Variants in LRIG1 observed in about 807,000 individuals in gnomAD.
The protein encoded by LRIG1 is leucine-rich repeats and immunoglobulin-like domains protein 1.
Under a neutral mutation model 99.2 loss-of-function variants are expected in LRIG1, and 48 were observed. The ratio of observed to expected loss-of-function variants is 0.48; its 90% confidence interval spans 0.38 to 0.62. LRIG1 has a LOEUF of 0.62. Ranked by LOEUF, LRIG1 falls within the 20% of genes least tolerant of loss-of-function variation. The pLI, the probability that LRIG1 is intolerant of heterozygous loss-of-function variation, is 0.00. For missense variants in LRIG1, 1,646 were observed against 1,434.4 expected, an observed-to-expected ratio of 1.15 and a Z score of -2.38; for synonymous variants, 772 against 596.1, an observed-to-expected ratio of 1.29 and a Z score of -4.30.
Position 66,407,338 on chromosome 3 carries a change from G to C in LRIG1, c.1079+10C>G, listed in dbSNP as rs754600937. 1 of 1,614,048 alleles carries C rather than the reference G, an allele frequency of 6.2e-7. No individual in the cohort carries two copies. The highest frequency in any genetic ancestry group is 8.5e-7 in the Non-Finnish European group (1 of 1,180,028). ...GGACCCCTTTATCCTGTCAGTAGTGGGAGACGTACAAGACTCGCAGGCTCC... is the reference window on the plus strand; with the variant it reads ...GGACCCCTTTATCCTGTCAGTAGTGCGAGACGTACAAGACTCGCAGGCTCC... On this transcript the variant is annotated intron_variant, in intron 8 of 18. Coordinates refer to ENST00000273261, the MANE Select transcript of LRIG1 (RefSeq NM_015541.3).
intron 12 of LRIG1, among the ~76,000 whole-genome samples, chr3:66,392,318 G>C (rs1701649671): frequency 6.6e-6 from 1 of 152,180 alleles, no homozygotes; most frequent in South Asian, 2.1e-4. Context: ...CCCAAGAGTG[G>C]AACTGCCAGG....
intron 1 of LRIG1, among the ~76,000 whole-genome samples, chr3:66,473,948 G>A (rs1371716050): frequency 1.3e-5 from 2 of 152,132 alleles, no homozygotes; most frequent in African/African-American, 2.4e-5. Flanking sequence ...GTACTAAGAC[G>A]TCGTGAAACA....
intron 12 of LRIG1, among the ~76,000 whole-genome samples, chr3:66,392,097 A>G (rs2107962120): frequency 6.6e-6 from 1 of 152,288 alleles, no homozygotes; most frequent in Non-Finnish European, 1.5e-5. Flanking sequence ...TTAGCATGAC[A>G]TTGTCAAAGT....
At chr3:66,388,531 A>T (rs945033659) in intron 12 of LRIG1, among the ~76,000 whole-genome samples, 13 of 152,228 alleles carry the variant, frequency 8.5e-5, no homozygotes, top group African/African-American at 3.1e-4. Flanking sequence ...AGTAGAGTAA[A>T]TTCAAAGATC....
At chr3:66,471,747 T>C (rs748803996) in intron 1 of LRIG1, among the ~76,000 whole-genome samples, 29 of 152,128 alleles carry the variant, frequency 1.9e-4, no homozygotes, top group South Asian at 4.1e-4. Context: ...ACAGGAAATA[T>C]GGGATGGGTA....
intron 1 of LRIG1, among the ~76,000 whole-genome samples, chr3:66,477,432 T>C (rs535865724): frequency 6.6e-6 from 1 of 152,308 alleles, no homozygotes; most frequent in South Asian, 2.1e-4. Flanking sequence ...TGATCCTAGT[T>C]TGCTGGTAAA....
intron 1 of LRIG1, among the ~76,000 whole-genome samples, chr3:66,470,664 A>T (rs545189422): frequency 1.3e-5 from 2 of 152,308 alleles, no homozygotes; most frequent in African/African-American, 2.4e-5. Context: ...GGGCCATTAA[A>T]GTTGATTTCC....
At chr3:66,422,457 G>C (rs1575678576) in intron 3 of LRIG1, among the ~76,000 whole-genome samples, 1 of 152,112 alleles carries the variant, frequency 6.6e-6, no homozygotes, top group African/African-American at 2.4e-5. Context: ...CTAGGGCAGG[G>C]GCAAAATGCT....
At chr3:66,425,398 T>A (rs1347963121) in intron 3 of LRIG1, among the ~76,000 whole-genome samples, 4 of 152,254 alleles carry the variant, frequency 2.6e-5, no homozygotes, top group Non-Finnish European at 5.9e-5. Flanking sequence ...GGACTTCATG[T>A]GACAGAATCT....
chr3:66,496,721 A>G (rs1223400577), intron 1 of LRIG1, among the ~76,000 whole-genome samples: 1 of 151,952 alleles, frequency 6.6e-6, no homozygotes, highest in Admixed American at 6.5e-5. Context: ...AGGACCATCC[A>G]TACAACAATC....
At chr3:66,499,925 C>G (rs1471516949) in intron 1 of LRIG1, among the ~76,000 whole-genome samples, 2 of 150,306 alleles carry the variant, frequency 1.3e-5, no homozygotes, top group African/African-American at 4.9e-5. Flanking sequence ...ACCCCCAAAT[C>G]TCTACGACCC....
chr3:66,382,229 C>G lies in LRIG1; in HGVS notation c.2617+44G>C, dbSNP rs370811026. On this transcript the variant is annotated intron_variant, in intron 16 of 18. Coordinates refer to ENST00000273261, the MANE Select transcript of LRIG1 (RefSeq NM_015541.3). ...GGAGGCCACCTCCAGCACCCAGAGA[C>G]ACAGTCACAGCAGAGCTCTGCTTCA... The G allele has an allele frequency of 8.1e-6, 13 of 1,608,952 alleles. No individual in the cohort carries two copies. In the African/African-American group the frequency reaches 1.2e-4, roughly 15 times the overall value.
Position 66,394,020 on chromosome 3 carries a change from A to C in LRIG1, c.1468+20T>G. ...CTTGTCCTTCATGAAGGAGAGAAAA[A>C]GTTACAAAGACAGTCTTACCGCACA... On this transcript the variant is annotated intron_variant, in intron 12 of 18. Transcript: ENST00000273261. The C allele has an allele frequency of 6.2e-7, 1 of 1,613,314 alleles. No individual in the cohort carries two copies. Among genetic ancestry groups the C allele is most frequent in the Non-Finnish European group, 8.5e-7 (1 of 1,179,654 alleles).
At chr3:66,448,708 C>A (rs1397208689) in intron 3 of LRIG1, among the ~76,000 whole-genome samples, 3 of 152,216 alleles carry the variant, frequency 2.0e-5, no homozygotes, top group Non-Finnish European at 2.9e-5. Flanking sequence ...GGGCTCCTGT[C>A]ACTCACATGG....
intron 3 of LRIG1, among the ~76,000 whole-genome samples, chr3:66,436,060 C>T (rs1461527880): frequency 1.3e-5 from 2 of 152,198 alleles, no homozygotes; most frequent in African/African-American, 4.8e-5. Context: ...TGTTTAATTA[C>T]TTCCCATCAT....
intron 11 of LRIG1, among the ~76,000 whole-genome samples, chr3:66,394,830 G>T (rs780115197): frequency 6.6e-6 from 1 of 152,130 alleles, no homozygotes; most frequent in African/African-American, 2.4e-5. Context: ...TTTGTGCCTT[G>T]ATCTTTGCAC....
rs566547029 is a variant in LRIG1, at chr3:66,424,425, G to A, written c.366-7159C>T. ...AGGGAAGCCTTCCCACCTCCTGCCT[G>A]AGAGTTGATGCCATGGAAACGTGTC... On this transcript the variant is annotated intron_variant, in intron 3 of 18. Coordinates refer to ENST00000273261, the MANE Select transcript of LRIG1 (RefSeq NM_015541.3). 7.2e-5 allele frequency among the ~76,000 whole-genome samples: 11 copies of A among 152,278 alleles called. No homozygotes were observed. In the South Asian group the frequency reaches 2.1e-3, roughly 29 times the overall value.
chr3:66,382,584 A>G (rs953434520), intron 15 of LRIG1, among the ~76,000 whole-genome samples, 186 bp from the exon 16 acceptor site: 1 of 152,190 alleles, frequency 6.6e-6, no homozygotes, highest in Non-Finnish European at 1.5e-5. Flanking sequence ...CTCTACACCC[A>G]GCGTGAAGAG....
At chr3:66,439,060 A>C (rs1219295096) in intron 3 of LRIG1, among the ~76,000 whole-genome samples, 1 of 152,240 alleles carries the variant, frequency 6.6e-6, no homozygotes, top group Admixed American at 6.5e-5. Flanking sequence ...GGTTCTCGTT[A>C]ACACACACTA....
Sources: allele counts gnomAD v4.1 joint callset (sites outside exome capture counted in the v4.1 genomes callset), GRCh38; gene constraint gnomAD v4.1.1; transcripts MANE v1.5; gene names NCBI Gene and HGNC (gene_info 2026-07-23, HGNC 2026-07-21).